CLEC17A: variants seen among roughly 807,000 people sequenced by gnomAD.
CLEC17A encodes the protein C-type lectin domain family 17, member A.
A neutral mutation model predicts 61.3 loss-of-function variants in CLEC17A; 37 were observed. The ratio of observed to expected loss-of-function variants is 0.60; its 90% CI spans 0.46 to 0.79. The LOEUF is 0.79. CLEC17A is among the 30% of genes least tolerant of loss of function. CLEC17A has a pLI of 0.00. For synonymous variants in CLEC17A, 168 were observed against 164.9 expected (o/e 1.02, Z -0.14); for missense variants, 418 against 464.7 (o/e 0.90, Z 0.92).
At chr19:14,601,739 C>T (rs1159659912) in intron 12 of CLEC17A, among the ~76,000 whole-genome samples, 1 of 152,172 alleles carries the variant, frequency 6.6e-6, no homozygotes, top group Non-Finnish European at 1.5e-5. Flanking sequence ...TCGCCTCACC[C>T]TCCTGAGTAG....
At chr19:14,600,443 A>C (rs1049696684) in intron 12 of CLEC17A, among the ~76,000 whole-genome samples, 1 of 152,102 alleles carries the variant, frequency 6.6e-6, no homozygotes, top group Non-Finnish European at 1.5e-5. Flanking sequence ...ATGAAAATAC[A>C]ATAATTAATA....
At chr19:14,605,506 C>T (rs1389070357) in intron 12 of CLEC17A, among the ~76,000 whole-genome samples, 1 of 152,160 alleles carries the variant, frequency 6.6e-6, no homozygotes, top group Non-Finnish European at 1.5e-5. Flanking sequence ...TGAACTTTGA[C>T]AAATGCGTAC....
In CLEC17A at chr19:14,610,139, T is replaced by C; in HGVS notation, c.1080T>C (p.Asn360=). The change falls in exon 14 of 14, where the codon AAT becomes AAC. Residue 360 remains asparagine (N), a synonymous_variant. Transcript: ENST00000417570. ...CCATGAACAAAGGTGGCACCTGGAA[T>C]GATCTCTCTTGCTACAAAACTACGT... is the stretch of plus-strand genomic sequence containing the variant. ...CATMNKGGTW[N]DLSCYKTTYW... is the part of the protein sequence containing the mutation. 6.2e-7 allele frequency: 1 copy of C among 1,605,406 alleles called. No homozygotes were observed. The highest frequency in any genetic ancestry group is 8.5e-7 in the Non-Finnish European group (1 of 1,175,826).
At position 14,583,391 on chromosome 19, in the gene CLEC17A, T is replaced by C; in HGVS notation, c.78T>C (p.Tyr26=). The C allele has an allele frequency of 1.9e-6, 3 of 1,612,282 alleles. No homozygotes were observed. The highest frequency in any genetic ancestry group is 1.7e-4 in the Middle Eastern group (1 of 6,058). Reference sequence around the variant, plus strand: ...AGGAGGAGGAGGAGGATGATGACTATGAGAACTCAACACCTCCCTACAAGG... The same window carrying C: ...AGGAGGAGGAGGAGGATGATGACTACGAGAACTCAACACCTCCCTACAAGG... ...TMEEEEEDDD[Y]ENSTPPYKDL... The change falls in exon 2 of 14, where the codon TAT becomes TAC. Residue 26 remains tyrosine, a synonymous_variant. Coordinates refer to ENST00000417570, the MANE Select transcript of CLEC17A (RefSeq NM_001204118.2).
At position 14,611,404 on chromosome 19, in the gene CLEC17A, G is replaced by A. The variant is rs2075036426; in HGVS notation, c.*1208G>A. ...TTTTTTTTTTTTTTTTTGAGATAGGGTTTCATTCTACTACCCAGGCTGGAG... is the reference window on the plus strand; with the variant it reads ...TTTTTTTTTTTTTTTTTGAGATAGGATTTCATTCTACTACCCAGGCTGGAG... On this transcript the variant is annotated 3_prime_UTR_variant, in exon 14 of 14. Coordinates refer to ENST00000417570, the MANE Select transcript of CLEC17A (RefSeq NM_001204118.2). Among the ~76,000 whole-genome samples the A allele has an allele frequency of 8.5e-6, 1 of 117,688 alleles. No individual in the cohort carries two copies. The highest frequency in any genetic ancestry group is 1.7e-5 in the Non-Finnish European group (1 of 60,136). The allele number at this position is 117,688 out of a possible 152,430, so 77.2% of individuals were successfully genotyped here. A position where few individuals can be genotyped will look rare whatever the true frequency, so the allele number is the denominator to read the frequency against.
chr19:14,606,906 T>TAAATATGTAG (rs1291808173), intron 12 of CLEC17A, 87 bp from the exon 13 acceptor site: 1 of 581,872 alleles, frequency 1.7e-6, no homozygotes, highest in South Asian at 8.6e-5. Context: ...TCCCAAGCCC[T>TAAATATGTAG]AAATATGTAG....
intron 4 of CLEC17A, among the ~76,000 whole-genome samples, chr19:14,593,343 A>G (rs2074465587): frequency 6.7e-6 from 1 of 148,458 alleles, no homozygotes; most frequent in Non-Finnish European, 1.5e-5. Context: ...CAAAAAAAAA[A>G]AAAAAAAAAA....
chr19:14,588,873 G>C (rs1449413564), intron 3 of CLEC17A, among the ~76,000 whole-genome samples: 1 of 151,958 alleles, frequency 6.6e-6, no homozygotes, highest in Non-Finnish European at 1.5e-5. Context: ...CCACCTGGGA[G>C]GTCCAGAAAT....
rs1381856197 is a variant in CLEC17A, at chr19:14,598,814, G to T, written c.647-903G>T. ...TTCTACAACAAATTTTAAAAAAATA[G>T]CCAGTCATGATGTCATGTACCTGTA... is the stretch of plus-strand genomic sequence containing the variant. On this transcript the variant is annotated intron_variant, in intron 10 of 13. Transcript: ENST00000417570. Among the ~76,000 whole-genome samples the T allele has an allele frequency of 3.3e-5, 5 of 152,128 alleles. No individual in the cohort carries two copies. In the East Asian group the frequency reaches 9.7e-4, roughly 30 times the overall value.
Position 14,610,324 on chromosome 19 carries a change from C to T in CLEC17A, c.*128C>T. On this transcript the variant is annotated 3_prime_UTR_variant, in exon 14 of 14. Coordinates refer to ENST00000417570, the MANE Select transcript of CLEC17A (RefSeq NM_001204118.2). ...GATGTGCCTCAAACAGGATTGGCACCCTGGATGCAGCAAGTTCCCAGGGGT... is the reference window on the plus strand; with the variant it reads ...GATGTGCCTCAAACAGGATTGGCACTCTGGATGCAGCAAGTTCCCAGGGGT... 1.5e-6 allele frequency: 2 copies of T among 1,335,190 alleles called. No homozygotes were observed. Among genetic ancestry groups the T allele is most frequent in the Non-Finnish European group, 2.0e-6 (2 of 989,440 alleles). 82.7% of individuals were successfully genotyped at this position (1,335,190 alleles called of 1,614,324 possible).
Position 14,607,010 on chromosome 19 carries a change from C to A in CLEC17A, c.912C>A (p.Ala304=). The A allele has an allele frequency of 7.7e-7, 1 of 1,301,296 alleles. No homozygotes were observed. Among genetic ancestry groups the A allele is most frequent in the South Asian group, 2.3e-5 (1 of 43,026 alleles). 80.6% of individuals were successfully genotyped at this position (1,301,296 alleles called of 1,614,324 possible). A position where few individuals can be genotyped will look rare whatever the true frequency, so the allele number is the denominator to read the frequency against. The change falls in exon 13 of 14, where the codon GCC becomes GCA. Residue 304 remains alanine (A), a synonymous_variant. Coordinates refer to ENST00000417570, the MANE Select transcript of CLEC17A (RefSeq NM_001204118.2). ...ATTTGCAGAATTTTGTGGCCAAGGC[C>A]CATGGCTCTCCACGGGTGTACTGGC... ...SFAEHNFVAK[A]HGSPRVYWLG... is the part of the protein sequence containing the mutation.
intron 3 of CLEC17A, among the ~76,000 whole-genome samples, chr19:14,588,816 A>G (rs373107090): frequency 1.2e-4 from 19 of 152,032 alleles, no homozygotes; most frequent in Middle Eastern, 3.4e-3. Flanking sequence ...GGGCCATTCT[A>G]TGAGGGCTGA....
At chr19:14,583,900 C>T (rs995767849) in intron 2 of CLEC17A, among the ~76,000 whole-genome samples, 7 of 152,060 alleles carry the variant, frequency 4.6e-5, no homozygotes, top group Non-Finnish European at 5.9e-5. Context: ...CAAGGCATAG[C>T]ACAGGGTTCA....
intron 4 of CLEC17A, among the ~76,000 whole-genome samples, chr19:14,594,276 C>A (rs2074491451): frequency 6.6e-6 from 1 of 151,864 alleles, no homozygotes; most frequent in Non-Finnish European, 1.5e-5. Flanking sequence ...GACTCTGTCT[C>A]AAAAAATATA....
At chr19:14,592,468 A>G (rs1647695649) in intron 4 of CLEC17A, 110 bp downstream of exon 4, 2 of 1,547,994 alleles carry the variant, frequency 1.3e-6, no homozygotes, top group Admixed American at 2.0e-5. Context: ...TATCCAGCCC[A>G]TGCCAGGCAC....
rs1168140180 is a variant in CLEC17A, at chr19:14,594,642, A to G, written c.321A>G (p.Thr107=). Residue 107 remains threonine (T), a synonymous_variant, in exon 6 of 14, where the codon ACA becomes ACG. Coordinates refer to ENST00000417570, the MANE Select transcript of CLEC17A (RefSeq NM_001204118.2). ...TTCCTCCCTCCTCAGCAAAGGAAAC[A>G]GAGAAACCCCCACTTCCTTGCAAGC... ...PPRPPRAAKE[T]EKPPLPCKPR... is the part of the protein sequence containing the mutation. 5.6e-6 allele frequency: 9 copies of G among 1,613,910 alleles called. No homozygotes were observed. The highest frequency in any genetic ancestry group is 4.4e-5 in the South Asian group (4 of 91,080).
At chr19:14,583,576 A>T in intron 2 of CLEC17A, 142 bp downstream of exon 2, 1 of 1,509,658 alleles carries the variant, frequency 6.6e-7, no homozygotes, top group Non-Finnish European at 8.9e-7. Flanking sequence ...CACCCTGCCC[A>T]GGACGACCTG....
At chr19:14,589,773 G>A (rs1435752232) in intron 3 of CLEC17A, among the ~76,000 whole-genome samples, 2 of 151,700 alleles carry the variant, frequency 1.3e-5, no homozygotes, top group East Asian at 3.9e-4. Context: ...TGGTCCATGT[G>A]ATAAATAGAA....
intron 12 of CLEC17A, among the ~76,000 whole-genome samples, chr19:14,601,721 C>G (rs1456976361): frequency 2.0e-5 from 3 of 152,126 alleles, no homozygotes; most frequent in Admixed American, 2.0e-4. Flanking sequence ...TAGGCTCAAG[C>G]AATTCTTTCG....
Sources: gnomAD v4.1 joint callset for allele counts (sites outside exome capture counted in the v4.1 genomes callset) on GRCh38, gnomAD v4.1.1 for gene constraint, MANE v1.5 for transcripts, NCBI Gene and HGNC (gene_info 2026-07-23, HGNC 2026-07-21) for gene names.